Variants in PTPRT observed in about 807,000 individuals in gnomAD.
PTPRT encodes the protein protein tyrosine phosphatase receptor type T.
In PTPRT, 56 loss-of-function variants were observed where a neutral mutation model predicts 176.8. That is an observed-to-expected ratio of 0.32 (90% CI 0.26 to 0.40). PTPRT has a LOEUF of 0.40. Ranked by LOEUF, PTPRT falls within the 10% of genes least tolerant of loss-of-function variation. PTPRT has a pLI of 1.00. For synonymous variants in PTPRT, 783 were observed against 739.0 expected (o/e 1.06, Z -0.96); for missense variants, 1,540 against 1,908.2 (o/e 0.81, Z 3.60).
intron 9 of PTPRT, among the ~76,000 whole-genome samples, chr20:42,418,102 ATTTGT>A (rs1291069536): frequency 6.6e-6 from 1 of 152,148 alleles, no homozygotes; most frequent in Non-Finnish European, 1.5e-5. Context: ...TTGAAGTATG[ATTTGT>A]CTGGACTGAA....
intron 7 of PTPRT, among the ~76,000 whole-genome samples, chr20:42,559,472 A>G (rs2072914743): frequency 6.6e-6 from 1 of 152,172 alleles, no homozygotes; most frequent in African/African-American, 2.4e-5. Context: ...TTTTCCAAGA[A>G]GTTCATTTGA....
At position 42,426,083 on chromosome 20, in the gene PTPRT, G is replaced by T. The variant is rs149873823; in HGVS notation, c.1560+22137C>A. 7.1e-3 allele frequency among the ~76,000 whole-genome samples: 1,085 copies of T among 152,174 alleles called. 1 individual carries two copies. Among genetic ancestry groups the T allele is most frequent in the Admixed American group, 0.012 (190 of 15,276 alleles). ...GTGTGTTTCATAGTGATACGGATAG[G>T]AGTCAGGGAAATACTGGGTAGAAGA... On this transcript the variant is annotated intron_variant, in intron 9 of 30. Transcript: ENST00000373187.
chr20:43,064,851 C>T (rs113473069), intron 1 of PTPRT, among the ~76,000 whole-genome samples: 154 of 152,314 alleles, frequency 1.0e-3, no homozygotes, highest in African/African-American at 3.6e-3. Flanking sequence ...ATCCAACAGG[C>T]CGATAAATCC....
chr20:42,093,160 A>C (rs3092252), intron 27 of PTPRT, among the ~76,000 whole-genome samples: 1 of 151,832 alleles, frequency 6.6e-6, no homozygotes, highest in Non-Finnish European at 1.5e-5. Context: ...TATGGTGAGT[A>C]TGGCATGACT....
chr20:42,981,820 G>A (rs1568715531), intron 1 of PTPRT, among the ~76,000 whole-genome samples: 2 of 152,204 alleles, frequency 1.3e-5, no homozygotes, highest in African/African-American at 2.4e-5. Context: ...ATCAGGCACT[G>A]CATTTATGTT....
intron 6 of PTPRT, among the ~76,000 whole-genome samples, chr20:42,724,687 C>G (rs532330241): frequency 6.6e-6 from 1 of 152,158 alleles, no homozygotes; most frequent in Admixed American, 6.5e-5. Flanking sequence ...AATCCCAACA[C>G]TTTGGGAGGC....
chr20:42,148,435 G>T (rs1258237555), intron 17 of PTPRT, among the ~76,000 whole-genome samples: 1 of 152,106 alleles, frequency 6.6e-6, no homozygotes, highest in Non-Finnish European at 1.5e-5. Flanking sequence ...GACAGGAAAT[G>T]ACTTGCCCAA....
intron 1 of PTPRT, among the ~76,000 whole-genome samples, chr20:43,036,896 G>C (rs1211211108): frequency 6.6e-6 from 1 of 152,140 alleles, no homozygotes; most frequent in South Asian, 2.1e-4. Context: ...ATACAGAAAT[G>C]CAGGAAAATG....
intron 2 of PTPRT, among the ~76,000 whole-genome samples, chr20:42,813,985 G>T (rs533366563): frequency 1.3e-5 from 2 of 151,806 alleles, no homozygotes; most frequent in African/African-American, 4.8e-5. Flanking sequence ...CCCCCATCCC[G>T]GCCCCAAGCC....
At chr20:42,967,921 C>T (rs912984956) in intron 1 of PTPRT, among the ~76,000 whole-genome samples, 3 of 152,126 alleles carry the variant, frequency 2.0e-5, no homozygotes, top group Non-Finnish European at 2.9e-5. Flanking sequence ...TGAGGGACAT[C>T]AGGATAAAAT....
chr20:42,582,110 G>T (rs2073384392), intron 7 of PTPRT, among the ~76,000 whole-genome samples: 1 of 152,138 alleles, frequency 6.6e-6, no homozygotes, highest in South Asian at 2.1e-4. Flanking sequence ...GAGAGTGTCA[G>T]CGCAGCCCTC....
intron 7 of PTPRT, among the ~76,000 whole-genome samples, chr20:42,545,268 A>G (rs1386252902): frequency 1.3e-5 from 2 of 152,134 alleles, no homozygotes; most frequent in East Asian, 3.9e-4. Flanking sequence ...CATGCTTCTT[A>G]TATGTGTGAA....
intron 6 of PTPRT, among the ~76,000 whole-genome samples, chr20:42,726,158 C>A (rs2076378041): frequency 6.6e-6 from 1 of 151,708 alleles, no homozygotes; most frequent in Admixed American, 6.6e-5. Context: ...TGGCTCACTG[C>A]AACCTCTGCG....
At chr20:42,610,105 T>C in intron 7 of PTPRT, among the ~76,000 whole-genome samples, 1 of 152,216 alleles carries the variant, frequency 6.6e-6, no homozygotes, top group East Asian at 1.9e-4. Context: ...ACCAGCTTTT[T>C]TCAGCGACTA....
At chr20:42,509,835 A>G (rs6102878) in intron 7 of PTPRT, among the ~76,000 whole-genome samples, 8,199 of 152,164 alleles carry the variant, frequency 0.054, 533 homozygotes, top group African/African-American at 0.16. Flanking sequence ...TTAGAGTACC[A>G]TACCCATTCC....
intron 1 of PTPRT, among the ~76,000 whole-genome samples, chr20:43,121,601 C>T (rs2146360434): frequency 6.6e-6 from 1 of 152,250 alleles, no homozygotes; most frequent in African/African-American, 2.4e-5. Context: ...TGCTTAGTGT[C>T]CATTTGAATA....
intron 30 of PTPRT, among the ~76,000 whole-genome samples, 153 bp from the exon 31 acceptor site, chr20:42,081,085 G>A (rs1983279836): frequency 6.6e-6 from 1 of 152,092 alleles, no homozygotes. Context: ...ACCCATATCT[G>A]GACATCCTTC....
intron 1 of PTPRT, among the ~76,000 whole-genome samples, chr20:42,949,375 G>A (rs1981088179): frequency 6.6e-6 from 1 of 152,206 alleles, no homozygotes; most frequent in Admixed American, 6.5e-5. Flanking sequence ...ATGATGGAAG[G>A]AAGCCCAAGC....
chr20:42,971,987 C>T (rs1982668700), intron 1 of PTPRT, among the ~76,000 whole-genome samples: 3 of 151,648 alleles, frequency 2.0e-5, no homozygotes, highest in African/African-American at 4.8e-5. Context: ...TAACAATAAG[C>T]GAATAAGCAA....
Sources: allele counts gnomAD v4.1 joint callset (sites outside exome capture counted in the v4.1 genomes callset), GRCh38; gene constraint gnomAD v4.1.1; transcripts MANE v1.5; gene names NCBI Gene and HGNC (gene_info 2026-07-23, HGNC 2026-07-21).